Variants in HTR4 observed in about 807,000 individuals in gnomAD.
HTR4 encodes the protein 5-hydroxytryptamine receptor 4, also known as 5-hydroxytryptamine (serotonin) receptor 4, G protein-coupled.
A neutral mutation model predicts 36.8 loss-of-function variants in HTR4; 16 were observed. That is an observed-to-expected ratio of 0.43 (90% CI 0.29 to 0.66). The LOEUF (loss-of-function observed/expected upper bound fraction) is 0.66, where lower values mean the gene tolerates loss of function less well. Among genes scored for constraint, HTR4 ranks in the 30% least tolerant of loss-of-function variants. The pLI, the probability that HTR4 is intolerant of heterozygous loss-of-function variation, is 0.13. For missense variants in HTR4, 438 were observed against 490.9 expected (o/e 0.89, Z 1.02); for synonymous variants, 189 against 185.1 (o/e 1.02, Z -0.17).
At chr5:148,510,228 G>T (rs1368195501) in intron 5 of HTR4, among the ~76,000 whole-genome samples, 1 of 152,018 alleles carries the variant, frequency 6.6e-6, no homozygotes, top group Non-Finnish European at 1.5e-5. Flanking sequence ...GGAAAGAAAA[G>T]AAAGTTTATC....
intron 2 of HTR4, chr5:148,630,166 CG>C (rs1200174691): frequency 1.3e-5 from 2 of 152,268 alleles, no homozygotes; most frequent in Non-Finnish European, 2.9e-5. Flanking sequence ...ACTAAATCTC[CG>C]TTTGCTTAAA....
intron 2 of HTR4, among the ~76,000 whole-genome samples, chr5:148,620,466 G>A (rs80147065): frequency 0.017 from 2,576 of 152,274 alleles, 119 homozygotes; most frequent in East Asian, 0.12. Flanking sequence ...CACTAGCCAC[G>A]TTTAGTTATT....
intron 5 of HTR4, among the ~76,000 whole-genome samples, chr5:148,516,287 C>T (rs2113784038): frequency 6.9e-6 from 1 of 145,768 alleles, no homozygotes; most frequent in East Asian, 2.0e-4. Context: ...TTATTAGTTG[C>T]AGTATTTCCA....
At chr5:148,464,313 A>T (rs940542182) in intron 5 of HTR4, among the ~76,000 whole-genome samples, 1 of 152,282 alleles carries the variant, frequency 6.6e-6, no homozygotes, top group East Asian at 1.9e-4. Context: ...ATAGACTGGG[A>T]AAAAATATTT....
At chr5:148,599,117 T>C (rs906185356) in intron 2 of HTR4, among the ~76,000 whole-genome samples, 2 of 151,798 alleles carry the variant, frequency 1.3e-5, no homozygotes, top group African/African-American at 4.8e-5. Flanking sequence ...AAGAATGGAA[T>C]ACAACAAAAG....
chr5:148,631,406 T>G (rs1210788402), intron 2 of HTR4, among the ~76,000 whole-genome samples: 1 of 152,182 alleles, frequency 6.6e-6, no homozygotes, highest in African/African-American at 2.4e-5. Context: ...CTAAATGCCT[T>G]AAAGTTGCAC....
At chr5:148,541,255 A>G (rs1342263562) in intron 4 of HTR4, among the ~76,000 whole-genome samples, 1 of 152,192 alleles carries the variant, frequency 6.6e-6, no homozygotes, top group Non-Finnish European at 1.5e-5. Flanking sequence ...TTCTATATTA[A>G]GAGTTCTGAG....
At chr5:148,636,747 C>T (rs1196656924) in intron 2 of HTR4, among the ~76,000 whole-genome samples, 2 of 152,146 alleles carry the variant, frequency 1.3e-5, no homozygotes, top group Admixed American at 1.3e-4. Context: ...CAAACATCAT[C>T]TCCATAATGC....
chr5:148,520,656 A>G (rs1432121357), intron 5 of HTR4, among the ~76,000 whole-genome samples: 1 of 152,212 alleles, frequency 6.6e-6, no homozygotes, highest in Non-Finnish European at 1.5e-5. Context: ...GTTGTTGTGA[A>G]GCCTAAGTGA....
At chr5:148,493,908 T>C (rs1756568684) in intron 6 of HTR4, among the ~76,000 whole-genome samples, 1 of 152,198 alleles carries the variant, frequency 6.6e-6, no homozygotes, top group African/African-American at 2.4e-5. Flanking sequence ...AATTGTAACC[T>C]CTAAAGTTCA....
chr5:148,463,765 C>T (rs1218325654), intron 5 of HTR4, among the ~76,000 whole-genome samples: 1 of 151,338 alleles, frequency 6.6e-6, no homozygotes, highest in Non-Finnish European at 1.5e-5. Flanking sequence ...GACAAAGACC[C>T]AGAACAGCCA....
intron 2 of HTR4, among the ~76,000 whole-genome samples, chr5:148,633,206 A>G (rs1311685084): frequency 6.6e-6 from 1 of 152,052 alleles, no homozygotes; most frequent in Non-Finnish European, 1.5e-5. Context: ...CCAGCTTTTC[A>G]TCATGATTCA....
intron 1 of HTR4, among the ~76,000 whole-genome samples, chr5:148,646,988 C>T (rs1296420051): frequency 6.6e-6 from 1 of 152,210 alleles, no homozygotes; most frequent in African/African-American, 2.4e-5. Flanking sequence ...TTTAGCTTCT[C>T]AAAGCTTCCA....
chr5:148,458,162 ATATAT>A (rs1755170243), intron 5 of HTR4, among the ~76,000 whole-genome samples: 4 of 144,822 alleles, frequency 2.8e-5, no homozygotes, highest in South Asian at 4.2e-4. Context: ...TATCATTAAA[ATATAT>A]TATATTTTAA....
At chr5:148,579,233 G>A (rs181364805) in intron 2 of HTR4, among the ~76,000 whole-genome samples, 62 of 152,168 alleles carry the variant, frequency 4.1e-4, no homozygotes, top group African/African-American at 1.0e-3. Context: ...CTAATAATAC[G>A]TTGGTTGAGT....
At chr5:148,617,416 C>T (rs566382884) in intron 2 of HTR4, among the ~76,000 whole-genome samples, 18 of 152,250 alleles carry the variant, frequency 1.2e-4, no homozygotes, top group African/African-American at 3.9e-4. Context: ...AATGCAAGCA[C>T]AGCCTAACAC....
intron 5 of HTR4, among the ~76,000 whole-genome samples, chr5:148,513,798 T>C (rs1277991297): frequency 6.6e-6 from 1 of 152,186 alleles, no homozygotes; most frequent in African/African-American, 2.4e-5. Flanking sequence ...AATAATACTT[T>C]TTAATTTTAT....
chr5:148,515,710 T>C (rs761666140), intron 5 of HTR4, among the ~76,000 whole-genome samples: 67 of 152,150 alleles, frequency 4.4e-4, no homozygotes, highest in Non-Finnish European at 7.6e-4. Flanking sequence ...GTTTAATTTG[T>C]CATTTTTCTC....
chr5:148,525,330 T>G (rs765474358), intron 4 of HTR4, among the ~76,000 whole-genome samples: 13 of 152,224 alleles, frequency 8.5e-5, no homozygotes, highest in Non-Finnish European at 1.5e-4. Flanking sequence ...ATATACTCTT[T>G]TTTTTTCAAA....
Sources: allele counts gnomAD v4.1 joint callset (sites outside exome capture counted in the v4.1 genomes callset), GRCh38; gene constraint gnomAD v4.1.1; transcripts MANE v1.5; gene names NCBI Gene and HGNC (gene_info 2026-07-23, HGNC 2026-07-21).